Variants in KDM4B observed in about 807,000 individuals in gnomAD.
The protein encoded by KDM4B is lysine demethylase 4B.
KDM4B carries 32 observed loss-of-function variants against 125.2 expected under a neutral mutation model. That is an observed-to-expected ratio of 0.26 (90% confidence interval 0.19 to 0.34). The LOEUF (loss-of-function observed/expected upper bound fraction) is 0.34. Ranked by LOEUF, KDM4B falls within the 10% of genes least tolerant of loss-of-function variation. The pLI, the probability that KDM4B is intolerant of heterozygous loss-of-function variation, is 1.00. For synonymous variants in KDM4B, 721 were observed against 677.9 expected, an observed-to-expected ratio of 1.06 and a Z score of -0.99; for missense variants, 1,190 against 1,577.7, an observed-to-expected ratio of 0.75 and a Z score of 4.16.
chr19:5,006,227 G>T (rs954238894), intron 1 of KDM4B, among the ~76,000 whole-genome samples: 2 of 151,876 alleles, frequency 1.3e-5, no homozygotes, highest in African/African-American at 4.8e-5. Context: ...GCCACTACTG[G>T]AACCCCACCC....
chr19:5,125,707 G>T (rs2039436901), intron 11 of KDM4B, among the ~76,000 whole-genome samples: 4 of 152,222 alleles, frequency 2.6e-5, no homozygotes, highest in South Asian at 4.1e-4. Flanking sequence ...CAGCGAGGAG[G>T]GTTAGGGGCT....
In KDM4B at chr19:4,992,646, C is replaced by A. The variant is rs139367025; in HGVS notation, c.-109+23416C>A. On this transcript the variant is annotated intron_variant, in intron 1 of 22. Coordinates refer to ENST00000159111, the MANE Select transcript of KDM4B (RefSeq NM_015015.3). ...AAATAATTTTGTGGAGAGGAGGTCTCACTATATTTCCCCAGGCTGGTCTCG... is the reference window on the plus strand; with the variant it reads ...AAATAATTTTGTGGAGAGGAGGTCTAACTATATTTCCCCAGGCTGGTCTCG... Among the ~76,000 whole-genome samples the A allele has an allele frequency of 4.3e-3, 647 of 152,234 alleles. 3 individuals carry two copies. The highest frequency in any genetic ancestry group is 0.023 in the South Asian group (111 of 4,822).
chr19:5,049,667 G>T (rs2037156313), intron 6 of KDM4B, among the ~76,000 whole-genome samples: 1 of 152,104 alleles, frequency 6.6e-6, no homozygotes, highest in Non-Finnish European at 1.5e-5. Flanking sequence ...CGGGGCCCCA[G>T]ATGTTCCCAC....
intron 5 of KDM4B, among the ~76,000 whole-genome samples, chr19:5,045,380 TTTG>T (rs140890573): frequency 0.073 from 11,155 of 151,812 alleles, 1,317 homozygotes; most frequent in African/African-American, 0.25. Context: ...TTTTGCCCAG[TTTG>T]TTGTTGTTGT....
At chr19:5,093,010 G>A (rs2145922962) in intron 9 of KDM4B, among the ~76,000 whole-genome samples, 1 of 152,334 alleles carries the variant, frequency 6.6e-6, no homozygotes, top group South Asian at 2.1e-4. Context: ...CATACCTGGA[G>A]CTGTCTGCCT....
rs58219404 is a variant in KDM4B, at chr19:5,035,880, T to TGTGTGTGTGTGC, written c.141+2850_141+2851insTGTGTGTGTGCG. Among the ~76,000 whole-genome samples the TGTGTGTGTGTGC allele has an allele frequency of 0.018, 2,431 of 136,412 alleles. 37 individuals are homozygous for TGTGTGTGTGTGC. The highest frequency in any genetic ancestry group is 0.043 in the African/African-American group (1,632 of 37,842). The allele number at this position is 136,412 out of a possible 152,430, so 89.5% of individuals were successfully genotyped here. A position where few individuals can be genotyped will look rare whatever the true frequency, so the allele number is the denominator to read the frequency against. ...ACGTGTCTCTGTGTGTGTGTGTGTG[T>TGTGTGTGTGTGC]GCGCGCGCGCGCGCGCCTGCGCGCA... is the stretch of plus-strand genomic sequence containing the variant. On this transcript the variant is annotated intron_variant, in intron 3 of 22. Coordinates refer to ENST00000159111, the MANE Select transcript of KDM4B (RefSeq NM_015015.3). This position sits in a 1 kb window ranked among gnomAD's most constrained non-coding sequence, Gnocchi z 5.3.
intron 2 of KDM4B, among the ~76,000 whole-genome samples, chr19:5,027,753 C>T (rs1034808241): frequency 6.6e-6 from 1 of 152,100 alleles, no homozygotes; most frequent in Non-Finnish European, 1.5e-5. Context: ...GCTGGCCAGG[C>T]TGGTCACGAA....
chr19:5,129,083 G>A (rs980862540), intron 11 of KDM4B, among the ~76,000 whole-genome samples: 1 of 152,210 alleles, frequency 6.6e-6, no homozygotes, highest in Admixed American at 6.5e-5. Flanking sequence ...ATGGCTGCTC[G>A]CCTGTCCTTC....
chr19:5,150,471 T>A, intron 22 of KDM4B, 21 bp downstream of exon 22: 1 of 1,536,204 alleles, frequency 6.5e-7, no homozygotes, highest in Non-Finnish European at 8.8e-7. Context: ...GAGGCTGGCC[T>A]GGTGGCTCCG....
At chr19:5,129,130 C>T (rs1157364674) in intron 11 of KDM4B, among the ~76,000 whole-genome samples, 3 of 152,150 alleles carry the variant, frequency 2.0e-5, no homozygotes, top group Admixed American at 6.5e-5. Context: ...CCAAGGACAC[C>T]GTGGGCGGTC....
At chr19:5,133,747 G>A (rs2039598966) in intron 13 of KDM4B, 136 bp from the exon 14 acceptor site, 1 of 772,530 alleles carries the variant, frequency 1.3e-6, no homozygotes, top group South Asian at 1.8e-5. Context: ...AGGTGGAGGG[G>A]GAGCTATGGG....
intron 8 of KDM4B, 140 bp downstream of exon 8, chr19:5,077,610 C>A: frequency 1.5e-6 from 1 of 676,268 alleles, no homozygotes; most frequent in South Asian, 1.8e-5. Context: ...CAGAGGAGGG[C>A]CGCATGGCTC....
intron 10 of KDM4B, chr19:5,112,551 T>C (rs1308051724): frequency 6.6e-6 from 1 of 152,260 alleles, no homozygotes; most frequent in African/African-American, 2.4e-5. Context: ...GAAACAGGCC[T>C]TGGAACTGGT....
At chr19:4,993,052 G>C (rs990164673) in intron 1 of KDM4B, among the ~76,000 whole-genome samples, 3 of 152,110 alleles carry the variant, frequency 2.0e-5, no homozygotes, top group Admixed American at 1.3e-4. Flanking sequence ...AGATTCTTTT[G>C]GCTTATAGTG....
chr19:5,127,376 G>C (rs1051322947), intron 11 of KDM4B, among the ~76,000 whole-genome samples: 1 of 152,190 alleles, frequency 6.6e-6, no homozygotes, highest in Non-Finnish European at 1.5e-5. Flanking sequence ...GTCCTTCCTA[G>C]CCTTGGGCAT....
At chr19:5,059,655 A>T (rs760255538) in intron 6 of KDM4B, among the ~76,000 whole-genome samples, 4 of 152,212 alleles carry the variant, frequency 2.6e-5, no homozygotes, top group Non-Finnish European at 4.4e-5. Context: ...AGCTAGTCCC[A>T]TCATTACACG....
In KDM4B at chr19:5,106,994, A is replaced by T. The variant is rs1024528028; in HGVS notation, c.919-3628A>T. Among the ~76,000 whole-genome samples the T allele has an allele frequency of 2.4e-4, 37 of 152,074 alleles. 1 individual carries two copies. The highest frequency in any genetic ancestry group is 8.2e-4 in the African/African-American group (34 of 41,394). ...GAATGCGGCGTATTTGGGAACAAAG[A>T]CCCTCAGTGGAGACTGGCAGTGGGA... is the stretch of plus-strand genomic sequence containing the variant. On this transcript the variant is annotated intron_variant, in intron 9 of 22. Coordinates refer to ENST00000159111, the MANE Select transcript of KDM4B (RefSeq NM_015015.3).
chr19:5,043,831 C>T (rs2036926411), intron 5 of KDM4B, among the ~76,000 whole-genome samples: 1 of 134,086 alleles, frequency 7.5e-6, no homozygotes, highest in Non-Finnish European at 1.6e-5. Context: ...GGGTGTCCAC[C>T]TTATCCCACT....
intron 1 of KDM4B, among the ~76,000 whole-genome samples, chr19:4,981,684 G>A (rs1247618237): frequency 6.6e-6 from 1 of 152,172 alleles, no homozygotes; most frequent in African/African-American, 2.4e-5. Flanking sequence ...GGCACCGGCG[G>A]TGCTGTACAG....
Sources: allele counts gnomAD v4.1 joint callset (sites outside exome capture counted in the v4.1 genomes callset), GRCh38; gene constraint gnomAD v4.1.1; non-coding constraint Gnocchi (gnomAD v3.1); transcripts MANE v1.5; gene names NCBI Gene and HGNC (gene_info 2026-07-23, HGNC 2026-07-21).